Variants in SIDT1 observed in about 807,000 individuals in gnomAD.
The protein encoded by SIDT1 is SID1 transmembrane family, member 1.
SIDT1 carries 101 observed loss-of-function variants against 107.5 expected under a neutral mutation model. That is an observed-to-expected ratio of 0.94 (90% CI 0.80 to 1.11). The LOEUF (loss-of-function observed/expected upper bound fraction) is 1.11, where lower values mean the gene tolerates loss of function less well. Among genes scored for constraint, SIDT1 ranks in the 50% least tolerant of loss-of-function variants. SIDT1 has a pLI of 0.00. For missense variants in SIDT1, 1,076 were observed against 1,058.2 expected (o/e 1.02, Z -0.23); for synonymous variants, 395 against 398.2 (o/e 0.99, Z 0.10).
chr3:113,553,217 A>G (rs1030534102), intron 1 of SIDT1, among the ~76,000 whole-genome samples: 3 of 152,066 alleles, frequency 2.0e-5, no homozygotes, highest in African/African-American at 7.2e-5. Context: ...TTGTCTCAAG[A>G]AGTTGTCTTT....
In SIDT1 at chr3:113,576,959, C is replaced by G. The variant is rs1168953364; in HGVS notation, c.553C>G (p.Gln185Glu). ...CTTTCACTTTACTGCCAGCCCCTCT[C>G]AACCTCAGGTAAGTGAAGGGGTTCC... ...VAFHFTASPS[Q>E]PQYFLYKFPK... Residue 185 changes from glutamine (Q) to glutamate (E), a missense_variant, in exon 4 of 25, where the codon CAA becomes GAA. Coordinates refer to ENST00000264852, the MANE Select transcript of SIDT1 (RefSeq NM_017699.3). 6.2e-7 allele frequency: 1 copy of G among 1,614,200 alleles called. No individual in the cohort carries two copies. Among genetic ancestry groups the G allele is most frequent in the South Asian group, 1.1e-5 (1 of 91,086 alleles).
intron 3 of SIDT1, among the ~76,000 whole-genome samples, chr3:113,569,468 C>T (rs1371609726): frequency 6.6e-6 from 1 of 152,164 alleles, no homozygotes; most frequent in Non-Finnish European, 1.5e-5. Flanking sequence ...CAGTAAAGTT[C>T]TCCTTAAATT....
intron 9 of SIDT1, among the ~76,000 whole-genome samples, chr3:113,592,507 T>C (rs1944232637): frequency 6.6e-6 from 1 of 152,210 alleles, no homozygotes; most frequent in Admixed American, 6.5e-5. Context: ...CCATTTTACA[T>C]TCCCACCAAC....
chr3:113,574,487 G>C (rs1387304313), intron 3 of SIDT1, among the ~76,000 whole-genome samples: 1 of 152,182 alleles, frequency 6.6e-6, no homozygotes, highest in African/African-American at 2.4e-5. Context: ...TGAGTAAGGT[G>C]CTGTGAATCT....
chr3:113,573,808 T>C (rs937438707), intron 3 of SIDT1, among the ~76,000 whole-genome samples: 11 of 152,178 alleles, frequency 7.2e-5, no homozygotes, highest in Non-Finnish European at 1.3e-4. Flanking sequence ...CCTGTAAAAC[T>C]GTAAGAAATA....
At chr3:113,543,618 G>C (rs1351575147) in intron 1 of SIDT1, among the ~76,000 whole-genome samples, 1 of 151,972 alleles carries the variant, frequency 6.6e-6, no homozygotes, top group East Asian at 1.9e-4. Context: ...TATCCCAGTT[G>C]CTCTGTTTTC....
chr3:113,618,965 C>G (rs918194131), intron 20 of SIDT1, among the ~76,000 whole-genome samples: 2 of 152,156 alleles, frequency 1.3e-5, no homozygotes, highest in Non-Finnish European at 2.9e-5. Flanking sequence ...GCTAGGACTA[C>G]AGTTGTGTGC....
intron 1 of SIDT1, among the ~76,000 whole-genome samples, chr3:113,548,205 C>A (rs964462763): frequency 6.6e-6 from 1 of 152,076 alleles, no homozygotes; most frequent in African/African-American, 2.4e-5. Context: ...TATTGTGGTA[C>A]ACTAATAGTG....
At chr3:113,539,935 C>T (rs986466542) in intron 1 of SIDT1, among the ~76,000 whole-genome samples, 7 of 148,970 alleles carry the variant, frequency 4.7e-5, no homozygotes, top group Admixed American at 2.7e-4. Flanking sequence ...ACCTGGGAGG[C>T]GGAGGCTGCA....
intron 1 of SIDT1, among the ~76,000 whole-genome samples, chr3:113,549,566 T>C (rs1939980006): frequency 6.6e-6 from 1 of 152,222 alleles, no homozygotes; most frequent in Admixed American, 6.5e-5. Flanking sequence ...TCTTCTCTGG[T>C]AAGATGTCTG....
intron 9 of SIDT1, among the ~76,000 whole-genome samples, chr3:113,587,660 C>T (rs1943842556): frequency 6.6e-6 from 1 of 152,192 alleles, no homozygotes; most frequent in Non-Finnish European, 1.5e-5. Flanking sequence ...ATTATCTCAT[C>T]TGATGCCCCT....
chr3:113,558,757 C>A (rs923439620), intron 1 of SIDT1, among the ~76,000 whole-genome samples: 8 of 152,202 alleles, frequency 5.3e-5, no homozygotes, highest in Non-Finnish European at 1.2e-4. Flanking sequence ...AGACTTGTGT[C>A]TTCTCCCAGT....
intron 12 of SIDT1, 122 bp downstream of exon 12, chr3:113,603,272 G>A: frequency 1.9e-6 from 2 of 1,035,770 alleles, no homozygotes; most frequent in Non-Finnish European, 2.8e-6. Flanking sequence ...TTTCCCAGAA[G>A]ACTTAAATCA....
Position 113,584,772 on chromosome 3 carries a change from C to A in SIDT1, c.907+3C>A. On this transcript the variant is annotated splice_donor_region_variant and intron_variant, in intron 8 of 24. Coordinates refer to ENST00000264852, the MANE Select transcript of SIDT1 (RefSeq NM_017699.3). ...GACCATTGTCCCTTCCATTAAAGGT[C>A]AGTGTTGGCTCCAGAATGCATTGAA... is the stretch of plus-strand genomic sequence containing the variant. The A allele has an allele frequency of 1.3e-6, 2 of 1,581,652 alleles. No homozygotes were observed. The highest frequency in any genetic ancestry group is 1.2e-5 in the South Asian group (1 of 84,746).
chr3:113,552,654 T>C (rs1298754721), intron 1 of SIDT1, among the ~76,000 whole-genome samples: 1 of 152,114 alleles, frequency 6.6e-6, no homozygotes, highest in Non-Finnish European at 1.5e-5. Context: ...CACCACTGCC[T>C]CCACTGCCAC....
At chr3:113,599,598 A>G (rs984080385) in intron 10 of SIDT1, among the ~76,000 whole-genome samples, 6 of 152,244 alleles carry the variant, frequency 3.9e-5, no homozygotes, top group Non-Finnish European at 5.9e-5. Flanking sequence ...ATGGATAAAC[A>G]TGGAGGATGT....
chr3:113,538,031 C>T (rs1256838612), intron 1 of SIDT1, among the ~76,000 whole-genome samples: 1 of 152,158 alleles, frequency 6.6e-6, no homozygotes, highest in African/African-American at 2.4e-5. Flanking sequence ...GATCCACCCA[C>T]CTCAGCCTCC....
chr3:113,555,602 C>T (rs912736060), intron 1 of SIDT1, among the ~76,000 whole-genome samples: 3 of 152,080 alleles, frequency 2.0e-5, no homozygotes, highest in Non-Finnish European at 4.4e-5. Flanking sequence ...AGGATGAAGG[C>T]TTATATGATT....
chr3:113,552,949 C>T (rs1200019230), intron 1 of SIDT1, among the ~76,000 whole-genome samples: 3 of 152,180 alleles, frequency 2.0e-5, no homozygotes, highest in Non-Finnish European at 4.4e-5. Flanking sequence ...CCCCACCAAA[C>T]ATCTTCATGG....
Sources: gnomAD v4.1 joint callset for allele counts (sites outside exome capture counted in the v4.1 genomes callset) on GRCh38, gnomAD v4.1.1 for gene constraint, MANE v1.5 for transcripts, NCBI Gene and HGNC (gene_info 2026-07-23, HGNC 2026-07-21) for gene names.